PCTP: variants seen among roughly 807,000 people sequenced by gnomAD.
PCTP encodes START domain-containing protein 2.
PCTP carries 27 observed loss-of-function variants against 31.0 expected under a neutral mutation model. That is an observed-to-expected ratio of 0.87 (90% CI 0.64 to 1.20). The LOEUF (loss-of-function observed/expected upper bound fraction) is 1.20, where lower values mean the gene tolerates loss of function less well. Ranked by LOEUF, PCTP falls within the 50% of genes most tolerant of loss-of-function variation. The pLI is 0.00. For missense variants in PCTP, 287 were observed against 268.2 expected (o/e 1.07, Z -0.49); for synonymous variants, 108 against 101.2 (o/e 1.07, Z -0.40).
chr17:55,795,177 C>T (rs1462615379), intron 3 of PCTP, among the ~76,000 whole-genome samples: 1 of 151,972 alleles, frequency 6.6e-6, no homozygotes, highest in African/African-American at 2.4e-5. Context: ...AATGTGCAGT[C>T]GCATTTAATG....
intron 5 of PCTP, among the ~76,000 whole-genome samples, chr17:55,828,658 G>A (rs776499963): frequency 2.2e-4 from 33 of 152,124 alleles, no homozygotes; most frequent in African/African-American, 4.8e-4. Context: ...GTCTTTGTGC[G>A]GGGGAGGGTG....
chr17:55,751,070 G>T lies in PCTP; in HGVS notation c.-34G>T. On this transcript the variant is annotated 5_prime_UTR_variant, in exon 1 of 6. Coordinates refer to ENST00000268896, the MANE Select transcript of PCTP (RefSeq NM_021213.4). ...CCCACACTAAGGGTGTCCGCGGCCTGCCCTCCAGGCGGAGGAGCCCGGACT... is the reference window on the plus strand; with the variant it reads ...CCCACACTAAGGGTGTCCGCGGCCTTCCCTCCAGGCGGAGGAGCCCGGACT... 1 of 1,495,494 alleles carries T rather than the reference G, an allele frequency of 6.7e-7. No homozygotes were observed. 92.6% of individuals were successfully genotyped at this position (1,495,494 alleles called of 1,614,324 possible). A position where few individuals can be genotyped will look rare whatever the true frequency, so the allele number is the denominator to read the frequency against.
intron 5 of PCTP, among the ~76,000 whole-genome samples, chr17:55,837,409 C>G (rs1905814442): frequency 6.6e-6 from 1 of 152,158 alleles, no homozygotes; most frequent in Non-Finnish European, 1.5e-5. Context: ...AACTTCCTTT[C>G]TTGGGTACCT....
intron 4 of PCTP, 28 bp downstream of exon 4, chr17:55,773,923 C>T: frequency 1.3e-6 from 2 of 1,565,100 alleles, no homozygotes; most frequent in Non-Finnish European, 1.7e-6. Context: ...TGTCAGTGCA[C>T]CCAGCCAGGG....
At chr17:55,845,186 AG>A (rs1223992307), downstream of PCTP, among the ~76,000 whole-genome samples, 3 of 151,356 alleles carry the variant, frequency 2.0e-5, no homozygotes, top group Non-Finnish European at 2.9e-5. Context: ...AACTTGGAGC[AG>A]GATCTTAGAG....
intron 5 of PCTP, among the ~76,000 whole-genome samples, chr17:55,840,804 C>T (rs1472749468): frequency 6.6e-6 from 1 of 152,138 alleles, no homozygotes; most frequent in Non-Finnish European, 1.5e-5. Context: ...ATCTGAAATG[C>T]TCTAAAATTT....
intron 3 of PCTP, among the ~76,000 whole-genome samples, chr17:55,816,039 T>C (rs1912903862): frequency 6.6e-6 from 1 of 152,196 alleles, no homozygotes; most frequent in Non-Finnish European, 1.5e-5. Context: ...ATTACTAACA[T>C]TTCCTCTCTT....
At chr17:55,772,678 T>G (rs1382682545) in intron 3 of PCTP, among the ~76,000 whole-genome samples, 3 of 152,170 alleles carry the variant, frequency 2.0e-5, no homozygotes, top group African/African-American at 4.8e-5. Context: ...TTTTTGATTA[T>G]TTTAGGTTTT....
intron 3 of PCTP, among the ~76,000 whole-genome samples, chr17:55,798,567 A>G (rs929172742): frequency 1.1e-4 from 16 of 151,996 alleles, no homozygotes; most frequent in African/African-American, 3.9e-4. Context: ...CCAGGAGACA[A>G]TTGAATGACA....
At chr17:55,783,669 A>G (rs1437036804) in intron 2 of PCTP, among the ~76,000 whole-genome samples, 1 of 152,178 alleles carries the variant, frequency 6.6e-6, no homozygotes, top group Non-Finnish European at 1.5e-5. Context: ...GGGAGAGTGA[A>G]TGATATTCTT....
chr17:55,845,854 T>C (rs1437289687), downstream of PCTP, among the ~76,000 whole-genome samples: 1 of 151,410 alleles, frequency 6.6e-6, no homozygotes, highest in African/African-American at 2.4e-5. Context: ...AGGATGAATT[T>C]CAAACTTAAG....
intron 3 of PCTP, among the ~76,000 whole-genome samples, chr17:55,796,547 G>T (rs910992704): frequency 6.6e-6 from 1 of 152,014 alleles, no homozygotes; most frequent in Non-Finnish European, 1.5e-5. Flanking sequence ...AGCGTCAGCA[G>T]ACATAGCTAA....
intron 3 of PCTP, among the ~76,000 whole-genome samples, chr17:55,822,533 T>C (rs72843013): frequency 5.9e-4 from 90 of 152,282 alleles, no homozygotes; most frequent in Non-Finnish European, 1.1e-3. Context: ...TAAATATGCA[T>C]ATGGCTATTC....
the PCTP span, among the ~76,000 whole-genome samples, chr17:55,850,727 C>G: frequency 1.5e-4 from 23 of 152,256 alleles, no homozygotes; most frequent in Middle Eastern, 3.4e-3. Context: ...TATTCACCCA[C>G]TTTTACTTTA....
At chr17:55,800,057 T>A (rs148452383) in intron 3 of PCTP, among the ~76,000 whole-genome samples, 4,347 of 152,176 alleles carry the variant, frequency 0.029, 211 homozygotes, top group African/African-American at 0.098. Context: ...TGTCTTGGGG[T>A]TGCTTTTCTC....
At chr17:55,752,199 CT>C (rs1293557306) in intron 1 of PCTP, among the ~76,000 whole-genome samples, 1 of 152,178 alleles carries the variant, frequency 6.6e-6, no homozygotes, top group East Asian at 1.9e-4. Flanking sequence ...TTTTTAGGCA[CT>C]TGCATTTTTG....
At chr17:55,773,656 C>T in intron 3 of PCTP, 68 bp from the exon 4 acceptor site, 1 of 1,483,028 alleles carries the variant, frequency 6.7e-7, no homozygotes, top group Admixed American at 2.0e-5. Flanking sequence ...TTGCTTCCAG[C>T]TTGTGGCGCT....
chr17:55,812,298 T>G lies in PCTP; in HGVS notation c.318-10463T>G, dbSNP rs1028157454. Among the ~76,000 whole-genome samples the G allele has an allele frequency of 2.0e-5, 3 of 152,226 alleles. No individual in the cohort carries two copies. The South Asian group carries it at 6.2e-4, about 32-fold the overall frequency. On this transcript the variant is annotated intron_variant, in intron 3 of 3. Coordinates refer to the PCTP transcript ENST00000572536. ...TGTGCCAAGCACTATGGGAATACCT[T>G]ACAGGCATCACTTCATTTTACCCTC...
chr17:55,841,396 G>C (rs778355715), intron 5 of PCTP, among the ~76,000 whole-genome samples: 4 of 152,196 alleles, frequency 2.6e-5, no homozygotes, highest in Non-Finnish European at 4.4e-5. Flanking sequence ...CAGTAGAGTT[G>C]GGTGAGCATG....
Sources: allele counts gnomAD v4.1 joint callset (sites outside exome capture counted in the v4.1 genomes callset), GRCh38; gene constraint gnomAD v4.1.1; transcripts MANE v1.5; gene names NCBI Gene and HGNC (gene_info 2026-07-23, HGNC 2026-07-21).